The following PALM2AKAP2 variants were observed in gnomAD, a reference collection of about 807,000 sequenced individuals.
The protein encoded by PALM2AKAP2 is PALM2-AKAP2 fusion protein.
In PALM2AKAP2, 37 loss-of-function variants were observed where a neutral mutation model predicts 71.5. That is an observed-to-expected ratio of 0.52 (90% confidence interval 0.40 to 0.68). The LOEUF is 0.68. Among genes scored for constraint, PALM2AKAP2 ranks in the 30% least tolerant of loss-of-function variants. PALM2AKAP2 has a pLI of 0.00. For synonymous variants in PALM2AKAP2, 468 were observed against 478.8 expected (o/e 0.98, Z 0.29); for missense variants, 1,224 against 1,191.8 (o/e 1.03, Z -0.40).
chr9:109,833,897 C>T (rs1252522346), intron 1 of PALM2AKAP2, among the ~76,000 whole-genome samples: 1 of 152,190 alleles, frequency 6.6e-6, no homozygotes, highest in African/African-American at 2.4e-5. Context: ...CAGTTCCCTC[C>T]AAGGGGCATG....
chr9:109,968,499 T>C (rs900085925), intron 6 of PALM2AKAP2, among the ~76,000 whole-genome samples: 3 of 152,166 alleles, frequency 2.0e-5, no homozygotes, highest in South Asian at 4.1e-4. Context: ...AGCTATATCA[T>C]CAACAGGAAA....
At chr9:109,696,670 C>G (rs1229892191) in intron 1 of PALM2AKAP2, among the ~76,000 whole-genome samples, 6 of 152,104 alleles carry the variant, frequency 3.9e-5, no homozygotes, top group Non-Finnish European at 5.9e-5. Flanking sequence ...TTGGAAAGGA[C>G]CTAATATCCA....
chr9:109,907,140 C>T (rs1284913239), intron 3 of PALM2AKAP2, among the ~76,000 whole-genome samples: 2 of 152,296 alleles, frequency 1.3e-5, no homozygotes, highest in East Asian at 3.9e-4. Context: ...CCTGCCTCCC[C>T]ACAAGCAGAG....
intron 2 of PALM2AKAP2, among the ~76,000 whole-genome samples, chr9:110,154,811 T>TA (rs1411491932): frequency 3.9e-5 from 6 of 152,018 alleles, no homozygotes; most frequent in Admixed American, 2.6e-4. Flanking sequence ...CTAAATACCT[T>TA]AAAAAAAATC....
intron 6 of PALM2AKAP2, among the ~76,000 whole-genome samples, chr9:109,949,286 C>T (rs1306853899): frequency 6.6e-6 from 1 of 152,186 alleles, no homozygotes; most frequent in Non-Finnish European, 1.5e-5. Context: ...CTTGCAGACC[C>T]CCAACTGGAT....
chr9:109,982,959 C>T (rs1196259216), intron 6 of PALM2AKAP2, among the ~76,000 whole-genome samples: 1 of 152,212 alleles, frequency 6.6e-6, no homozygotes, highest in African/African-American at 2.4e-5. Flanking sequence ...AGCCAGCCAG[C>T]TGTCTGCCCA....
At chr9:110,154,385 C>T (rs529454679) in intron 2 of PALM2AKAP2, among the ~76,000 whole-genome samples, 1 of 152,262 alleles carries the variant, frequency 6.6e-6, no homozygotes, top group South Asian at 2.1e-4. Context: ...GTTTCTTAAG[C>T]CTTCAATTAA....
At chr9:110,107,662 G>A (rs376785142) in intron 1 of PALM2AKAP2, among the ~76,000 whole-genome samples, 57 of 152,298 alleles carry the variant, frequency 3.7e-4, no homozygotes, top group African/African-American at 1.2e-3. Flanking sequence ...CTCCTCCCGG[G>A]TTCAAGCGAT....
intron 1 of PALM2AKAP2, among the ~76,000 whole-genome samples, chr9:109,863,941 G>T (rs1050346567): frequency 6.6e-6 from 1 of 152,088 alleles, no homozygotes; most frequent in African/African-American, 2.4e-5. Context: ...TTAGCCAAGC[G>T]TGGTGACACA....
chr9:110,142,939 G>A (rs145848952), intron 2 of PALM2AKAP2, among the ~76,000 whole-genome samples: 3 of 152,330 alleles, frequency 2.0e-5, no homozygotes, highest in Admixed American at 2.0e-4. Flanking sequence ...TTCACTGTGA[G>A]TTGATGGACT....
chr9:110,166,061 A>G (rs1420538601), intron 3 of PALM2AKAP2, among the ~76,000 whole-genome samples: 1 of 152,194 alleles, frequency 6.6e-6, no homozygotes, highest in Non-Finnish European at 1.5e-5. Flanking sequence ...TATACAATGT[A>G]GAGTTCTTTA....
At chr9:109,784,287 G>A (rs986002575) in intron 1 of PALM2AKAP2, among the ~76,000 whole-genome samples, 1 of 152,166 alleles carries the variant, frequency 6.6e-6, no homozygotes, top group Non-Finnish European at 1.5e-5. Context: ...CACATAAGCA[G>A]TTACTATCCA....
intron 1 of PALM2AKAP2, among the ~76,000 whole-genome samples, chr9:109,730,350 A>G (rs1391880938): frequency 6.6e-6 from 1 of 152,234 alleles, no homozygotes; most frequent in Non-Finnish European, 1.5e-5. Flanking sequence ...TTTCGCCAAA[A>G]CATAAGCATT....
At chr9:110,142,690 G>T (rs747315318) in intron 2 of PALM2AKAP2, among the ~76,000 whole-genome samples, 1 of 152,182 alleles carries the variant, frequency 6.6e-6, no homozygotes, top group African/African-American at 2.4e-5. Flanking sequence ...AGGGGAGAAG[G>T]AAGGGCACCT....
intron 1 of PALM2AKAP2, among the ~76,000 whole-genome samples, chr9:109,802,483 T>C (rs774300238): frequency 5.9e-5 from 9 of 152,066 alleles, no homozygotes; most frequent in South Asian, 2.1e-4. Flanking sequence ...AGGGGAAAAA[T>C]ATAATTTAGA....
chr9:109,932,913 A>G (rs547103127), intron 6 of PALM2AKAP2, among the ~76,000 whole-genome samples: 12 of 152,332 alleles, frequency 7.9e-5, no homozygotes, highest in Middle Eastern at 6.8e-3. Flanking sequence ...ACAATCATGG[A>G]TGTTTAAGCC....
Position 110,137,368 on chromosome 9 carries a change from G to T in PALM2AKAP2, c.1398G>T (p.Gly466=), listed in dbSNP as rs145276249. ...CTAATCCGAGACCACCTTCTGTCGG[G>T]GGACCTCCAGAAGACAGTGGTGCCT... The change falls in exon 2 of 4, where the codon GGG becomes GGT. Residue 466 remains glycine (G), a synonymous_variant. Coordinates refer to ENST00000374525, the Ensembl canonical transcript of PALM2AKAP2. 4 of 1,614,134 alleles carry T rather than the reference G, an allele frequency of 2.5e-6. No homozygotes were observed. The African/African-American group carries it at 5.3e-5, about 22-fold the overall frequency.
chr9:109,982,833 A>T (rs1319962641), intron 6 of PALM2AKAP2, among the ~76,000 whole-genome samples: 1 of 152,146 alleles, frequency 6.6e-6, no homozygotes, highest in Non-Finnish European at 1.5e-5. Flanking sequence ...ATGGTTGCGT[A>T]GGTTGGTCTT....
chr9:110,006,344 T>A (rs1399122892), intron 6 of PALM2AKAP2, among the ~76,000 whole-genome samples: 1 of 142,100 alleles, frequency 7.0e-6, no homozygotes, highest in African/African-American at 2.7e-5. Context: ...CTTTCTTTCT[T>A]TCTTTCTTTC....
Sources: gnomAD v4.1 joint callset for allele counts (sites outside exome capture counted in the v4.1 genomes callset) on GRCh38, gnomAD v4.1.1 for gene constraint, MANE v1.5 for transcripts, NCBI Gene and HGNC (gene_info 2026-07-23, HGNC 2026-07-21) for gene names.